EIF2B4: variants seen among roughly 807,000 people sequenced by gnomAD.
The protein encoded by EIF2B4 is translation initiation factor eIF2B subunit delta.
In EIF2B4, 34 loss-of-function variants were observed where a neutral mutation model predicts 66.7. That is an observed-to-expected ratio of 0.51 (90% CI 0.39 to 0.68). The LOEUF is 0.68. Ranked by LOEUF, EIF2B4 falls within the 30% of genes least tolerant of loss-of-function variation. EIF2B4 has a pLI of 0.00. For synonymous variants in EIF2B4, 278 were observed against 253.6 expected, an observed-to-expected ratio of 1.10 and a Z score of -0.92; for missense variants, 618 against 657.9, an observed-to-expected ratio of 0.94 and a Z score of 0.66.
Position 27,364,743 on chromosome 2 carries a change from A to T in EIF2B4, c.1347T>A (p.Thr449=). The T allele has an allele frequency of 6.2e-7, 1 of 1,614,226 alleles. No individual in the cohort carries two copies. The change falls in exon 12 of 13, where the codon ACT becomes ACA. Residue 449 remains threonine, a synonymous_variant. Coordinates refer to ENST00000347454, the MANE Select transcript of EIF2B4 (RefSeq NM_001034116.2). ...ETYKFCERVQ[T]DAFVSNELDD... is the part of the protein sequence containing the mutation. ...CTAGCTCATTAGAGACAAAGGCATC[A>T]GTCTGCACACGCTCACAGAACTTGT...
intron 7 of EIF2B4, 54 bp from the exon 8 acceptor site, chr2:27,367,876 C>G: frequency 6.4e-7 from 1 of 1,573,198 alleles, no homozygotes; most frequent in East Asian, 2.2e-5. Flanking sequence ...GATCTCTGAA[C>G]GGGGGCTGGG....
At chr2:27,366,999 C>A in intron 10 of EIF2B4, 63 bp from the exon 11 acceptor site, 1 of 1,613,978 alleles carries the variant, frequency 6.2e-7, no homozygotes, top group Non-Finnish European at 8.5e-7. Context: ...AACTTATTCC[C>A]AAAGGCAAGT....
At chr2:27,367,965 G>A in intron 7 of EIF2B4, 60 bp downstream of exon 7, 1 of 1,508,108 alleles carries the variant, frequency 6.6e-7, no homozygotes, top group South Asian at 1.2e-5. Flanking sequence ...GGTGACAGAA[G>A]CTGGGGTAGT....
intron 1 of EIF2B4, 175 bp downstream of exon 1, chr2:27,370,109 C>G: frequency 6.6e-7 from 1 of 1,516,472 alleles, no homozygotes; most frequent in Non-Finnish European, 8.9e-7. Flanking sequence ...CACCGACCCT[C>G]CTCACAGCAA....
intron 1 of EIF2B4, 84 bp from the exon 2 acceptor site, chr2:27,370,003 T>C: frequency 1.3e-6 from 2 of 1,531,732 alleles, no homozygotes; most frequent in Non-Finnish European, 8.8e-7. Context: ...AGCCGGCTGC[T>C]GGGTTGGCAT....
At position 27,370,301 on chromosome 2, in the gene EIF2B4, G is replaced by T. The variant is rs1240908854; in HGVS notation, c.14C>A (p.Ala5Asp). 1 of 1,545,334 alleles carries T rather than the reference G, an allele frequency of 6.5e-7. No individual in the cohort carries two copies. Residue 5 changes from alanine (A) to aspartate (D), a missense_variant, in exon 1 of 13, where the codon GCC (alanine) becomes GAC (aspartate). This residue lies in a region of EIF2B4 where 506 missense variants were observed against 511.9 expected (regional missense o/e 0.99). Coordinates refer to ENST00000347454, the MANE Select transcript of EIF2B4 (RefSeq NM_001034116.2). MAAVAVAVREDSGSG... is the reference protein window; with the variant it reads MAAVDVAVREDSGSG... ...TCACTCACCCTCGCGAACAGCCACG[G>T]CCACAGCAGCCATCGCCCTCAGTCC...
intron 3 of EIF2B4, 92 bp from the exon 4 acceptor site, chr2:27,369,304 G>A: frequency 6.2e-7 from 1 of 1,606,772 alleles, no homozygotes; most frequent in Non-Finnish European, 8.5e-7. Context: ...AAACCTCTTT[G>A]CTTTACACAC....
chr2:27,370,195 C>T, intron 1 of EIF2B4, 89 bp downstream of exon 1: 1 of 1,533,978 alleles, frequency 6.5e-7, no homozygotes. Context: ...AACGGAGCGG[C>T]GGGGCCCAAA....
chr2:27,368,447 T>G lies in EIF2B4; in HGVS notation c.515A>C (p.Asp172Ala), dbSNP rs886055902. 1.2e-6 allele frequency: 2 copies of G among 1,614,070 alleles called. No individual in the cohort carries two copies. The highest frequency in any genetic ancestry group is 8.5e-7 in the Non-Finnish European group (1 of 1,179,946). The part of the protein sequence containing the change: ...PERQQVPTRK[D>A]YGSKVSLFSH... ...GAAGAGACTGACTTTGGATCCATAATCCTTTCGTGTAGGAACCTTGACAAA... is the reference window on the plus strand; with the variant it reads ...GAAGAGACTGACTTTGGATCCATAAGCCTTTCGTGTAGGAACCTTGACAAA... Residue 172 changes from aspartate (D) to alanine (A), a missense_variant, in exon 6 of 13, where the codon GAT (aspartate) becomes GCT (alanine). Transcript: ENST00000347454.
intron 4 of EIF2B4, 92 bp downstream of exon 4, chr2:27,368,914 A>G: frequency 6.5e-7 from 1 of 1,540,764 alleles, no homozygotes; most frequent in Non-Finnish European, 9.0e-7. Context: ...CTGGGTCCCA[A>G]GAATGAGAGG....
chr2:27,367,893 C>A, intron 7 of EIF2B4, 71 bp from the exon 8 acceptor site: 1 of 1,538,814 alleles, frequency 6.5e-7, no homozygotes, highest in Non-Finnish European at 9.0e-7. Flanking sequence ...TGGGGGTAAG[C>A]TTCACTGAGG....
intron 11 of EIF2B4, 189 bp from the exon 12 acceptor site, chr2:27,365,087 G>C: frequency 1.6e-6 from 1 of 607,782 alleles, no homozygotes; most frequent in Non-Finnish European, 2.8e-6. Flanking sequence ...ATGAAGTTCT[G>C]CTCTTGTTGC....
intron 11 of EIF2B4, 136 bp downstream of exon 11, chr2:27,366,623 G>C: frequency 1.9e-6 from 2 of 1,027,782 alleles, no homozygotes; most frequent in Non-Finnish European, 1.5e-6. Context: ...AGACTGCAGT[G>C]AGCTGTGATC....
Position 27,364,556 on chromosome 2 carries a change from C to T in EIF2B4, c.1416G>A (p.Ala472=), listed in dbSNP as rs764983689. The T allele has an allele frequency of 1.5e-5, 25 of 1,614,168 alleles. 1 individual carries two copies. Among genetic ancestry groups the T allele is most frequent in the Admixed American group, 1.2e-4 (7 of 60,020 alleles). The change falls in exon 13 of 13, where the codon GCG becomes GCA. Residue 472 remains alanine (A), a synonymous_variant. Transcript: ENST00000347454. Reference sequence around the variant, plus strand: ...ATGCGTGGTTCTGCCAGTTAGCCAGCGCAACATGTTCTCCCCGCTTACATT... The same window carrying T: ...ATGCGTGGTTCTGCCAGTTAGCCAGTGCAACATGTTCTCCCCGCTTACATT... The part of the protein sequence containing the change: ...DLQCKRGEHV[A]LANWQNHASL...
At chr2:27,365,026 G>T (rs1283166009) in intron 11 of EIF2B4, 128 bp from the exon 12 acceptor site, 3 of 929,336 alleles carry the variant, frequency 3.2e-6, no homozygotes, top group East Asian at 5.3e-5. Context: ...AGAAGGGAAA[G>T]AAACAAAAAC....
intron 6 of EIF2B4, 46 bp downstream of exon 6, chr2:27,368,326 A>G: frequency 1.3e-6 from 2 of 1,549,566 alleles, no homozygotes; most frequent in South Asian, 1.1e-5. Context: ...CTGACTTACT[A>G]AAACTCCTCA....
In EIF2B4 at chr2:27,364,542, T is replaced by C; in HGVS notation, c.1430A>G (p.Gln477Arg). ...CAACAACCGTAGGGATGCGTGGTTC[T>C]GCCAGTTAGCCAGCGCAACATGTTC... Reference protein sequence around the residue: ...RGEHVALANWQNHASLRLLNL... With the variant: ...RGEHVALANWRNHASLRLLNL... Residue 477 changes from glutamine (Q) to arginine (R), a missense_variant, in exon 13 of 13, where the codon CAG (glutamine) becomes CGG (arginine). Coordinates refer to ENST00000347454, the MANE Select transcript of EIF2B4 (RefSeq NM_001034116.2). The C allele has an allele frequency of 6.2e-7, 1 of 1,614,234 alleles. No homozygotes were observed. Among genetic ancestry groups the C allele is most frequent in the Non-Finnish European group, 8.5e-7 (1 of 1,180,046 alleles).
Position 27,368,431 on chromosome 2 carries a change from G to T in EIF2B4, c.531C>A (p.Val177=). 1 of 1,614,152 alleles carries T rather than the reference G, an allele frequency of 6.2e-7. No individual in the cohort carries two copies. The highest frequency in any genetic ancestry group is 1.1e-5 in the South Asian group (1 of 91,038). ...VPTRKDYGSK[V]SLFSHLPQYS... ...ACTGGGGTAGGTGAGAGAAGAGACT[G>T]ACTTTGGATCCATAATCCTTTCGTG... The change falls in exon 6 of 13, where the codon GTC becomes GTA. Residue 177 remains valine, a synonymous_variant. Coordinates refer to ENST00000347454, the MANE Select transcript of EIF2B4 (RefSeq NM_001034116.2).
rs1263131432 is a variant in EIF2B4 at position 27,364,412 on chromosome 2, G to A, written c.1560C>T (p.Ser520=). ...SSVPVVLRVK[S]SDQ ...TGTGTTTCCCCCGTCACTGGTCACTGCTCTTGACTCGTAGAACAACAGGTA... is the reference window on the plus strand; with the variant it reads ...TGTGTTTCCCCCGTCACTGGTCACTACTCTTGACTCGTAGAACAACAGGTA... Residue 520 remains serine (S), a synonymous_variant, in exon 13 of 13, where the codon AGC becomes AGT. Transcript: ENST00000347454. 6.2e-7 allele frequency: 1 copy of A among 1,613,928 alleles called. No individual in the cohort carries two copies. The highest frequency in any genetic ancestry group is 8.5e-7 in the Non-Finnish European group (1 of 1,180,032).
Sources: allele counts gnomAD v4.1 joint callset, GRCh38; gene constraint gnomAD v4.1.1; regional missense constraint gnomAD v4.1.1; transcripts MANE v1.5; gene names NCBI Gene and HGNC (gene_info 2026-07-23, HGNC 2026-07-21).